Variants in SHLD1 observed in about 807,000 individuals in gnomAD.
SHLD1 encodes the protein shieldin complex subunit 1.
A neutral mutation model predicts 5.5 loss-of-function variants in SHLD1; 3 were observed. The observed-to-expected ratio is 0.54, with a 90% confidence interval of 0.25 to 1.40. The LOEUF is 1.40. Ranked by LOEUF, SHLD1 falls within the 40% of genes most tolerant of loss-of-function variation. The pLI is 0.15. For synonymous variants in SHLD1, 92 were observed against 94.3 expected (o/e 0.98, Z 0.14); for missense variants, 210 against 244.4 (o/e 0.86, Z 0.94).
At chr20:5,771,088 G>A (rs1985126059) in intron 1 of SHLD1, among the ~76,000 whole-genome samples, 1 of 152,152 alleles carries the variant, frequency 6.6e-6, no homozygotes, top group African/African-American at 2.4e-5. Context: ...GAGAGCACAT[G>A]GGTTCTTTGC....
At chr20:5,786,003 C>A (rs2087054963) in intron 2 of SHLD1, among the ~76,000 whole-genome samples, 1 of 152,068 alleles carries the variant, frequency 6.6e-6, no homozygotes, top group African/African-American at 2.4e-5. Flanking sequence ...GAAGCTTGAA[C>A]TACTTGTGCA....
intron 2 of SHLD1, among the ~76,000 whole-genome samples, chr20:5,817,432 C>CTCTCTCTCTGTGTGTG (rs1473391202): frequency 5.8e-5 from 5 of 85,588 alleles, no homozygotes; most frequent in African/African-American, 2.2e-4. Flanking sequence ...CTCTCTCTCT[C>CTCTCTCTCTGTGTGTG]TGTGTGTGTG....
chr20:5,818,070 T>A (rs969504350), intron 2 of SHLD1, among the ~76,000 whole-genome samples: 2 of 151,992 alleles, frequency 1.3e-5, no homozygotes, highest in Non-Finnish European at 2.9e-5. Context: ...CCTTTTTTTC[T>A]TTTTCTTTCT....
At chr20:5,847,785 G>A (rs1419979399) in intron 2 of SHLD1, among the ~76,000 whole-genome samples, 1 of 152,164 alleles carries the variant, frequency 6.6e-6, no homozygotes, top group East Asian at 1.9e-4. Context: ...CTGCTGGTGG[G>A]GGTGTGATTG....
At chr20:5,782,975 T>C (rs2087006694) in intron 2 of SHLD1, among the ~76,000 whole-genome samples, 1 of 152,214 alleles carries the variant, frequency 6.6e-6, no homozygotes, top group South Asian at 2.1e-4. Flanking sequence ...CATTTTATAG[T>C]TGCATTAAGT....
intron 2 of SHLD1, among the ~76,000 whole-genome samples, chr20:5,840,913 T>C (rs190729817): frequency 0.024 from 2,961 of 121,256 alleles, 78 homozygotes; most frequent in East Asian, 0.14. Context: ...GATTGCTATT[T>C]CTTTTTTTTA....
intron 2 of SHLD1, among the ~76,000 whole-genome samples, chr20:5,797,741 A>G (rs2087233149): frequency 6.6e-6 from 1 of 152,194 alleles, no homozygotes; most frequent in South Asian, 2.1e-4. Context: ...AATAAGTCAC[A>G]TTTATAATGC....
chr20:5,854,048 C>G (rs1005650788), intron 2 of SHLD1, among the ~76,000 whole-genome samples: 7 of 151,440 alleles, frequency 4.6e-5, no homozygotes, highest in Non-Finnish European at 8.8e-5. Context: ...TCTTGTTGCC[C>G]AGGCTGGAGT....
At chr20:5,843,299 T>C (rs2087888489) in intron 2 of SHLD1, among the ~76,000 whole-genome samples, 1 of 148,576 alleles carries the variant, frequency 6.7e-6, no homozygotes, top group African/African-American at 2.6e-5. Flanking sequence ...TTTTTTCTTT[T>C]TTTTTTTTCC....
At chr20:5,836,333 G>A (rs150516680) in intron 2 of SHLD1, among the ~76,000 whole-genome samples, 1 of 152,258 alleles carries the variant, frequency 6.6e-6, no homozygotes, top group East Asian at 1.9e-4. Flanking sequence ...TTCCATGTCT[G>A]ATGTCAAATA....
At chr20:5,809,249 C>T (rs964803806) in intron 2 of SHLD1, among the ~76,000 whole-genome samples, 1 of 152,032 alleles carries the variant, frequency 6.6e-6, no homozygotes, top group African/African-American at 2.4e-5. Flanking sequence ...AAATAAGAAA[C>T]TCATTTTAAT....
intron 2 of SHLD1, among the ~76,000 whole-genome samples, chr20:5,784,656 T>C (rs1328321759): frequency 1.3e-5 from 2 of 151,982 alleles, no homozygotes; most frequent in Non-Finnish European, 2.9e-5. Context: ...TTCACCGTGT[T>C]AGCCAGGTTG....
chr20:5,854,121 T>C (rs550214335), intron 2 of SHLD1, among the ~76,000 whole-genome samples: 2 of 152,054 alleles, frequency 1.3e-5, no homozygotes, highest in East Asian at 3.9e-4. Context: ...TTCTCCTGCC[T>C]CAGCCTCCCA....
chr20:5,800,001 G>A (rs1460910106), intron 2 of SHLD1, among the ~76,000 whole-genome samples: 2 of 72,824 alleles, frequency 2.7e-5, no homozygotes, highest in Non-Finnish European at 5.6e-5. Context: ...ATTATTGCTA[G>A]AGCAGTGGTT....
At chr20:5,775,419 G>C (rs1343027476) in intron 2 of SHLD1, among the ~76,000 whole-genome samples, 1 of 152,076 alleles carries the variant, frequency 6.6e-6, no homozygotes, top group Non-Finnish European at 1.5e-5. Context: ...AATTCAGTGT[G>C]GACTCAGTTT....
chr20:5,773,780 G>C (rs79606265), intron 2 of SHLD1, among the ~76,000 whole-genome samples: 1 of 152,096 alleles, frequency 6.6e-6, no homozygotes, highest in African/African-American at 2.4e-5. Flanking sequence ...CTCCAGAGTC[G>C]TCTACAAAAT....
At chr20:5,783,874 G>A (rs889432882) in intron 2 of SHLD1, among the ~76,000 whole-genome samples, 1 of 152,118 alleles carries the variant, frequency 6.6e-6, no homozygotes, top group Non-Finnish European at 1.5e-5. Context: ...CTAAGCGGCC[G>A]GGTGCGGTGG....
intron 2 of SHLD1, among the ~76,000 whole-genome samples, chr20:5,842,055 C>T (rs1030829018): frequency 6.6e-6 from 1 of 152,198 alleles, no homozygotes; most frequent in African/African-American, 2.4e-5. Context: ...TTTTGCATAA[C>T]TGGCTTATTA....
intron 2 of SHLD1, among the ~76,000 whole-genome samples, chr20:5,822,269 C>G (rs949877921): frequency 5.9e-5 from 9 of 152,114 alleles, no homozygotes; most frequent in African/African-American, 2.2e-4. Flanking sequence ...ACCAGCCCAG[C>G]CAACACGATG....
Sources: allele counts gnomAD v4.1 joint callset (sites outside exome capture counted in the v4.1 genomes callset), GRCh38; gene constraint gnomAD v4.1.1; transcripts MANE v1.5; gene names NCBI Gene and HGNC (gene_info 2026-07-23, HGNC 2026-07-21).